TMEM41A: variants seen among roughly 807,000 people sequenced by gnomAD.
The protein encoded by TMEM41A is transmembrane protein 41A.
TMEM41A carries 20 observed loss-of-function variants against 25.7 expected under a neutral mutation model. That is an observed-to-expected ratio of 0.78 (90% CI 0.55 to 1.13). The LOEUF (loss-of-function observed/expected upper bound fraction) is 1.13, where lower values mean the gene tolerates loss of function less well. Among genes scored for constraint, TMEM41A ranks in the 50% most tolerant of loss-of-function variants. TMEM41A has a pLI of 0.00. For missense variants in TMEM41A, 299 were observed against 314.3 expected (o/e 0.95, Z 0.37); for synonymous variants, 133 against 139.6 (o/e 0.95, Z 0.33).
rs1016752892 is a variant in TMEM41A, at chr3:185,491,241, C to T, written c.*296G>A. The T allele has an allele frequency of 8.8e-5, 20 of 227,352 alleles. No homozygotes were observed. Among genetic ancestry groups the T allele is most frequent in the African/African-American group, 3.0e-4 (13 of 43,612 alleles). The allele number at this position is 227,352 out of a possible 1,614,324, so 14.1% of individuals were successfully genotyped here. On this transcript the variant is annotated 3_prime_UTR_variant, in exon 5 of 5. Coordinates refer to ENST00000421852, the MANE Select transcript of TMEM41A (RefSeq NM_080652.4). ...TTGAACTCCTGACCTTGTGAATCAC[C>T]GGCCTCGGCCTCCCAAAGTGCTGGG...
chr3:185,495,673 C>T, intron 2 of TMEM41A: 1 of 217,042 alleles, frequency 4.6e-6, no homozygotes, highest in Admixed American at 5.0e-5. Context: ...AACTCCCGGA[C>T]TCAAGTGATC....
intron 1 of TMEM41A, chr3:185,498,428 A>G: frequency 5.7e-6 from 1 of 174,814 alleles, no homozygotes; most frequent in Non-Finnish European, 1.2e-5. Flanking sequence ...GGGGAGGAGG[A>G]GAGACAGTTG....
At chr3:185,491,858 T>G (rs886818710) in intron 4 of TMEM41A, 101 bp from the exon 5 acceptor site, 11 of 831,924 alleles carry the variant, frequency 1.3e-5, no homozygotes, top group Non-Finnish European at 1.9e-5. Flanking sequence ...GGTTTTTTTT[T>G]GCTTGACTCT....
Position 185,498,844 on chromosome 3 carries a change from T to C in TMEM41A, c.118A>G (p.Arg40Gly). Residue 40 changes from arginine to glycine, a missense_variant and splice_region_variant, in exon 1 of 5, where the codon AGG (arginine) becomes GGG (glycine). Arg to Gly is a moderately radical substitution (Grantham distance 125). Coordinates refer to ENST00000421852, the MANE Select transcript of TMEM41A (RefSeq NM_080652.4). ...RLGSTEEAGG[R>G]SLWFPSDLAE... ...CGAACCCGGATTCCCGCCACGCACC[T>C]GCCTCCAGCCTCCTCGGTGGAGCCC... 1 of 1,587,912 alleles carries C rather than the reference T, an allele frequency of 6.3e-7. No homozygotes were observed. Among genetic ancestry groups the C allele is most frequent in the Non-Finnish European group, 8.5e-7 (1 of 1,170,002 alleles).
intron 4 of TMEM41A, among the ~76,000 whole-genome samples, 182 bp from the exon 5 acceptor site, chr3:185,491,939 C>T (rs1014976975): frequency 1.2e-4 from 18 of 152,066 alleles, no homozygotes; most frequent in Non-Finnish European, 2.2e-4. Context: ...TTCCTCACTT[C>T]CCATATATGC....
At chr3:185,497,010 A>T in intron 1 of TMEM41A, 29 bp from the exon 2 acceptor site, 1 of 1,574,646 alleles carries the variant, frequency 6.4e-7, no homozygotes, top group Non-Finnish European at 8.6e-7. Flanking sequence ...AGATGGAAAC[A>T]TGAGTTCAGA....
rs1719189875 is a variant in TMEM41A, at chr3:185,498,840, C to G, written c.119+3G>C. ...GACCCGAACCCGGATTCCCGCCACG[C>G]ACCTGCCTCCAGCCTCCTCGGTGGA... On this transcript the variant is annotated splice_donor_region_variant and intron_variant, in intron 1 of 4. Coordinates refer to ENST00000421852, the MANE Select transcript of TMEM41A (RefSeq NM_080652.4). 1 of 1,585,134 alleles carries G rather than the reference C, an allele frequency of 6.3e-7. No individual in the cohort carries two copies. The highest frequency in any genetic ancestry group is 1.7e-4 in the Middle Eastern group (1 of 5,934).
rs973975134 is a variant in TMEM41A, at chr3:185,494,645, C to T, written c.552G>A (p.Gln184=). The change falls in exon 4 of 5, where the codon CAG becomes CAA. Residue 184 remains glutamine, a synonymous_variant. Coordinates refer to ENST00000421852, the MANE Select transcript of TMEM41A (RefSeq NM_080652.4). ...SAPILNIPIV[Q]FFFSVLIGLI... ...TACCGATAAGAACTGAGAAGAAGAA[C>T]TGCACGATGGGAATGTTCAGAATTG... The T allele has an allele frequency of 6.2e-7, 1 of 1,609,050 alleles. No homozygotes were observed. Among genetic ancestry groups the T allele is most frequent in the Non-Finnish European group, 8.5e-7 (1 of 1,178,256 alleles).
At chr3:185,496,599 G>A (rs1352242852) in intron 2 of TMEM41A, 3 of 592,672 alleles carry the variant, frequency 5.1e-6, no homozygotes, top group Non-Finnish European at 9.1e-6. Flanking sequence ...CAGCCTAGAG[G>A]AGAGAAACAG....
chr3:185,497,732 G>A (rs1408641368), intron 1 of TMEM41A, among the ~76,000 whole-genome samples: 1 of 152,132 alleles, frequency 6.6e-6, no homozygotes, highest in Non-Finnish European at 1.5e-5. Flanking sequence ...TACTTCTCAC[G>A]AGAGTTTCTC....
chr3:185,491,743 T>C lies in TMEM41A; in HGVS notation c.589A>G (p.Asn197Asp). 6.2e-7 allele frequency: 1 copy of C among 1,611,404 alleles called. No individual in the cohort carries two copies. Among genetic ancestry groups the C allele is most frequent in the Non-Finnish European group, 8.5e-7 (1 of 1,178,638 alleles). ...GACCCTGTCTGCACACAGATGAAATTATATGGGATCAAACCTGGAAGAAGA... is the reference window on the plus strand; with the variant it reads ...GACCCTGTCTGCACACAGATGAAATCATATGGGATCAAACCTGGAAGAAGA... ...FSVLIGLIPYNFICVQTGSIL... is the reference protein window; with the variant it reads ...FSVLIGLIPYDFICVQTGSIL... The change falls in exon 5 of 5, where the codon AAT (asparagine) becomes GAT (aspartate). Residue 197 changes from asparagine to aspartate, a missense_variant. Transcript: ENST00000421852.
In TMEM41A at chr3:185,497,081, A is replaced by T. The variant is rs958122428; in HGVS notation, c.120-100T>A. 2.4e-5 allele frequency: 34 copies of T among 1,396,632 alleles called. No homozygotes were observed. In the African/African-American group the frequency reaches 4.9e-4, roughly 20 times the overall value. 86.5% of individuals were successfully genotyped at this position (1,396,632 alleles called of 1,614,324 possible). On this transcript the variant is annotated intron_variant, in intron 1 of 4. Transcript: ENST00000421852. Reference sequence around the variant, plus strand: ...TTCTTTTCAGAGTAGGTTTATAAATATGCCCATCATCTGATCTGCTGGGAA... The same window carrying T: ...TTCTTTTCAGAGTAGGTTTATAAATTTGCCCATCATCTGATCTGCTGGGAA...
intron 1 of TMEM41A, among the ~76,000 whole-genome samples, chr3:185,497,407 C>G (rs1238806685): frequency 6.6e-6 from 1 of 152,200 alleles, no homozygotes; most frequent in Admixed American, 6.5e-5. Context: ...ACTGCCTCCC[C>G]CACAAACCAA....
chr3:185,491,782 C>A, intron 4 of TMEM41A, 25 bp from the exon 5 acceptor site: 6 of 1,553,044 alleles, frequency 3.9e-6, no homozygotes, highest in Non-Finnish European at 5.3e-6. Context: ...GGACAAAGCA[C>A]CTGTTACAAG....
intron 4 of TMEM41A, chr3:185,492,824 TTG>T: frequency 6.6e-6 from 1 of 152,234 alleles, no homozygotes; most frequent in Non-Finnish European, 1.5e-5. Flanking sequence ...GTCACACAGC[TTG>T]TGAGACAGAG....
chr3:185,498,833 C>G lies in TMEM41A; in HGVS notation c.119+10G>C, dbSNP rs761989650. 6.4e-7 allele frequency: 1 copy of G among 1,573,860 alleles called. No homozygotes were observed. The highest frequency in any genetic ancestry group is 1.2e-5 in the South Asian group (1 of 86,258). On this transcript the variant is annotated intron_variant, in intron 1 of 4. Coordinates refer to ENST00000421852, the MANE Select transcript of TMEM41A (RefSeq NM_080652.4). ...TTCCTCTGACCCGAACCCGGATTCCCGCCACGCACCTGCCTCCAGCCTCCT... is the reference window on the plus strand; with the variant it reads ...TTCCTCTGACCCGAACCCGGATTCCGGCCACGCACCTGCCTCCAGCCTCCT...
chr3:185,494,906 T>C, intron 3 of TMEM41A, 145 bp from the exon 4 acceptor site: 1 of 1,124,556 alleles, frequency 8.9e-7, no homozygotes, highest in Non-Finnish European at 1.2e-6. Flanking sequence ...ACTGTTTTCC[T>C]CATTTTAAAA....
intron 4 of TMEM41A, chr3:185,492,281 G>A (rs1164654062): frequency 2.0e-5 from 3 of 152,494 alleles, no homozygotes; most frequent in East Asian, 3.8e-4. Context: ...CAGCCCAGGC[G>A]ATAGAGCTAG....
At chr3:185,495,728 C>A in intron 2 of TMEM41A, 1 of 171,244 alleles carries the variant, frequency 5.8e-6, no homozygotes, top group Non-Finnish European at 1.3e-5. Context: ...AGGCGTGAGC[C>A]ACTGCCCCAG....
Sources: gnomAD v4.1 joint callset for allele counts (sites outside exome capture counted in the v4.1 genomes callset) on GRCh38, gnomAD v4.1.1 for gene constraint, MANE v1.5 for transcripts, NCBI Gene and HGNC (gene_info 2026-07-23, HGNC 2026-07-21) for gene names.